ARHGAP20: variants seen among roughly 807,000 people sequenced by gnomAD.
ARHGAP20 encodes rho GTPase-activating protein 20.
In ARHGAP20, 34 loss-of-function variants were observed where a neutral mutation model predicts 73.7. That is an observed-to-expected ratio of 0.46 (90% CI 0.35 to 0.61). The LOEUF (loss-of-function observed/expected upper bound fraction) is 0.61, where lower values mean the gene tolerates loss of function less well. Ranked by LOEUF, ARHGAP20 falls within the 20% of genes least tolerant of loss-of-function variation. The pLI, the probability that ARHGAP20 is intolerant of heterozygous loss-of-function variation, is 0.00. For missense variants in ARHGAP20, 1,314 were observed against 1,420.9 expected (o/e 0.92, Z 1.21); for synonymous variants, 523 against 518.2 (o/e 1.01, Z -0.13).
chr11:110,712,022 C>G, intron 1 of ARHGAP20, 105 bp downstream of exon 1: 3 of 1,241,712 alleles, frequency 2.4e-6, no homozygotes, highest in Middle Eastern at 3.1e-4. Flanking sequence ...GCGTCAAATT[C>G]CCGCGGCGTC....
rs1330484026 is a variant in ARHGAP20, at chr11:110,580,093, G to A, written c.2853C>T (p.Ser951=). ...PGTSPSGSSV[S]SQDSAFSQIS... is the part of the protein sequence containing the mutation. ...TCTGAGAAAAAGCACTGTCTTGGGA[G>A]CTTACTGATGAGCCGGATGGGGAAG... The change falls in exon 15 of 15, where the codon AGC becomes AGT. Residue 951 remains serine (S), a synonymous_variant. Transcript: ENST00000683387. The A allele has an allele frequency of 3.7e-6, 6 of 1,614,216 alleles. No individual in the cohort carries two copies. The highest frequency in any genetic ancestry group is 5.1e-6 in the Non-Finnish European group (6 of 1,180,034).
chr11:110,582,819 C>T (rs1280800415), intron 13 of ARHGAP20, among the ~76,000 whole-genome samples: 1 of 152,166 alleles, frequency 6.6e-6, no homozygotes, highest in Non-Finnish European at 1.5e-5. Flanking sequence ...GGCTCATCTG[C>T]GAGTGCACTG....
At chr11:110,699,771 G>T (rs1048465020) in intron 1 of ARHGAP20, among the ~76,000 whole-genome samples, 1 of 151,652 alleles carries the variant, frequency 6.6e-6, no homozygotes, top group African/African-American at 2.4e-5. Flanking sequence ...CTTACTTCCT[G>T]TCTATTGTGA....
chr11:110,711,588 A>G (rs906102544), intron 1 of ARHGAP20: 2 of 1,475,664 alleles, frequency 1.4e-6, no homozygotes, highest in Middle Eastern at 2.0e-4. Context: ...GAAAACTGCT[A>G]TGGAGCAGCC....
At chr11:110,588,771 A>T (rs951038106) in intron 11 of ARHGAP20, among the ~76,000 whole-genome samples, 1 of 151,916 alleles carries the variant, frequency 6.6e-6, no homozygotes, top group African/African-American at 2.4e-5. Context: ...ATAGTAAGAA[A>T]TTTTTTTTTC....
chr11:110,702,307 T>A (rs1207014147), intron 1 of ARHGAP20, among the ~76,000 whole-genome samples: 1 of 151,994 alleles, frequency 6.6e-6, no homozygotes, highest in Non-Finnish European at 1.5e-5. Flanking sequence ...TCAATAGATG[T>A]AGAAAAGGCC....
intron 2 of ARHGAP20, among the ~76,000 whole-genome samples, chr11:110,668,742 A>G (rs1949772120): frequency 1.3e-5 from 2 of 152,240 alleles, no homozygotes; most frequent in South Asian, 2.1e-4. Flanking sequence ...TAACTTTTAT[A>G]TGCACTGGGA....
intron 1 of ARHGAP20, among the ~76,000 whole-genome samples, chr11:110,705,458 T>C (rs555240499): frequency 1.3e-5 from 2 of 152,312 alleles, no homozygotes; most frequent in South Asian, 4.1e-4. Context: ...TTGTGAACTT[T>C]CAGTCTATGA....
rs577919772 is a variant in ARHGAP20 at position 110,646,075 on chromosome 11, T to A, written c.189-15283A>T. On this transcript the variant is annotated intron_variant, in intron 2 of 14. Coordinates refer to ENST00000683387, the MANE Select transcript of ARHGAP20 (RefSeq NM_001384657.1). ...TACTCCAAACCTTGGCATCATGCCA[T>A]ATACCTTTTTAACAAATCTGCACAT... 5.3e-5 allele frequency among the ~76,000 whole-genome samples: 8 copies of A among 152,300 alleles called. No individual in the cohort carries two copies. In the South Asian group the frequency reaches 1.7e-3, roughly 32 times the overall value.
chr11:110,712,373 G>A lies in ARHGAP20; in HGVS notation c.-142C>T. The A allele has an allele frequency of 1.8e-6, 1 of 554,006 alleles. No homozygotes were observed. The highest frequency in any genetic ancestry group is 2.7e-6 in the Non-Finnish European group (1 of 367,676). 34.3% of individuals were successfully genotyped at this position (554,006 alleles called of 1,614,324 possible). The stretch of plus-strand genomic sequence containing the variant: ...GGGAGCCGAGCTCCGGGTGCTCGCC[G>A]CGCGCCTCCCGTCGGGGCCATGTAC... On this transcript the variant is annotated 5_prime_UTR_variant, in exon 1 of 15. Transcript: ENST00000683387.
In ARHGAP20 at chr11:110,579,868, T is replaced by G; in HGVS notation, c.3078A>C (p.Gln1026His). Residue 1026 changes from glutamine (Q) to histidine (H), a missense_variant, in exon 15 of 15, where the codon CAA becomes CAC. Coordinates refer to ENST00000683387, the MANE Select transcript of ARHGAP20 (RefSeq NM_001384657.1). ...TGGGATGAAGAGTTACAGAATGCAT[T>G]TGTGAATGCCACTCCATGGTGTCCT... ...TKKDTMEWHS[Q>H]MHSVTLHPST... The G allele has an allele frequency of 6.2e-7, 1 of 1,614,222 alleles. No homozygotes were observed. The highest frequency in any genetic ancestry group is 8.5e-7 in the Non-Finnish European group (1 of 1,180,036).
intron 2 of ARHGAP20, among the ~76,000 whole-genome samples, chr11:110,651,416 G>A (rs1313004598): frequency 1.3e-5 from 2 of 151,184 alleles, no homozygotes; most frequent in Non-Finnish European, 3.0e-5. Context: ...AAACCCTTCA[G>A]AACAACAACA....
Position 110,599,255 on chromosome 11 carries a change from T to C in ARHGAP20, c.965-7100A>G, listed in dbSNP as rs560731452. ...ACAGGCTCAGAAGTGCCTGCTACCA[T>C]TGCCTGGCTTCTCCCTGCTGTCGGC... On this transcript the variant is annotated intron_variant, in intron 9 of 14. Transcript: ENST00000683387. Among the ~76,000 whole-genome samples the C allele has an allele frequency of 1.8e-3, 272 of 152,328 alleles. 4 individuals carry two copies. The highest frequency in any genetic ancestry group is 6.2e-3 in the African/African-American group (257 of 41,580).
At chr11:110,664,739 A>AAAAAAAG in intron 2 of ARHGAP20, among the ~76,000 whole-genome samples, 2 of 149,156 alleles carry the variant, frequency 1.3e-5, no homozygotes, top group African/African-American at 5.1e-5. Flanking sequence ...AAAAAAAAAA[A>AAAAAAAG]AAAAAAGAAA....
At chr11:110,629,247 T>C (rs1372855281) in intron 3 of ARHGAP20, among the ~76,000 whole-genome samples, 1 of 152,176 alleles carries the variant, frequency 6.6e-6, no homozygotes, top group Non-Finnish European at 1.5e-5. Context: ...AAGTAAGGCC[T>C]AGATTCAAAC....
At chr11:110,691,924 T>C (rs1950249882) in intron 1 of ARHGAP20, among the ~76,000 whole-genome samples, 1 of 152,116 alleles carries the variant, frequency 6.6e-6, no homozygotes, top group Non-Finnish European at 1.5e-5. Context: ...AACATCTCAA[T>C]TGGGAGTTAT....
At chr11:110,662,004 C>T (rs747664509) in intron 2 of ARHGAP20, among the ~76,000 whole-genome samples, 9 of 151,880 alleles carry the variant, frequency 5.9e-5, no homozygotes, top group Non-Finnish European at 1.3e-4. Context: ...CATACGTAAG[C>T]AATGAATTTA....
intron 2 of ARHGAP20, among the ~76,000 whole-genome samples, chr11:110,651,820 C>T (rs988150763): frequency 6.6e-6 from 1 of 151,944 alleles, no homozygotes; most frequent in Admixed American, 6.6e-5. Context: ...CAAAGAGAAG[C>T]TGCTACCATT....
intron 4 of ARHGAP20, among the ~76,000 whole-genome samples, chr11:110,620,568 T>G (rs1338714206): frequency 6.6e-6 from 1 of 152,194 alleles, no homozygotes; most frequent in Non-Finnish European, 1.5e-5. Context: ...TTCCAATGAT[T>G]TCCACTCCTT....
Sources: allele counts gnomAD v4.1 joint callset (sites outside exome capture counted in the v4.1 genomes callset), GRCh38; gene constraint gnomAD v4.1.1; transcripts MANE v1.5; gene names NCBI Gene and HGNC (gene_info 2026-07-23, HGNC 2026-07-21).